The following MYO18B variants were observed in gnomAD, a reference collection of about 807,000 sequenced individuals.
MYO18B encodes the protein unconventional myosin-XVIIIb.
In MYO18B, 204 loss-of-function variants were observed where a neutral mutation model predicts 273.0. That is an observed-to-expected ratio of 0.75 (90% CI 0.67 to 0.84). MYO18B has a LOEUF of 0.84. Among genes scored for constraint, MYO18B ranks in the 40% least tolerant of loss-of-function variants. The pLI, the probability that MYO18B is intolerant of heterozygous loss-of-function variation, is 0.00. For synonymous variants in MYO18B, 1,330 were observed against 1,305.7 expected (o/e 1.02, Z -0.40); for missense variants, 3,212 against 3,287.6 (o/e 0.98, Z 0.56).
At chr22:26,036,513 T>C in the MYO18B span, among the ~76,000 whole-genome samples, 2 of 152,096 alleles carry the variant, frequency 1.3e-5, no homozygotes, top group African/African-American at 4.8e-5. Context: ...TGTAAATAGC[T>C]GCATGAAGGC....
Position 25,768,519 on chromosome 22 carries a change from C to G in MYO18B, c.603C>G (p.Gly201=), listed in dbSNP as rs766264630. The part of the protein sequence containing the change: ...KKGETSRTPC[G]SQASTEILAP... ...GGGAGACCTCTAGGACTCCTTGTGG[C>G]TCCCAGGCCAGCACCGAGATCTTGG... is the stretch of plus-strand genomic sequence containing the variant. Residue 201 remains glycine, a synonymous_variant, in exon 4 of 44, where the codon GGC becomes GGG. Coordinates refer to ENST00000335473, the MANE Select transcript of MYO18B (RefSeq NM_032608.7). 6.4e-7 allele frequency: 1 copy of G among 1,574,210 alleles called. No individual in the cohort carries two copies. Among genetic ancestry groups the G allele is most frequent in the Non-Finnish European group, 8.6e-7 (1 of 1,161,846 alleles).
At chr22:25,750,467 C>A (rs2085900710) in intron 1 of MYO18B, among the ~76,000 whole-genome samples, 1 of 151,970 alleles carries the variant, frequency 6.6e-6, no homozygotes, top group Non-Finnish European at 1.5e-5. Flanking sequence ...CCTTTTTTTC[C>A]CTCGCTGTCT....
At chr22:25,889,682 C>T (rs2091604726) in intron 25 of MYO18B, among the ~76,000 whole-genome samples, 1 of 151,946 alleles carries the variant, frequency 6.6e-6, no homozygotes, top group African/African-American at 2.4e-5. Context: ...ATATTTCTCC[C>T]GTTACGTACT....
chr22:25,997,932 AACAC>A (rs3070628), intron 40 of MYO18B, among the ~76,000 whole-genome samples: 28,664 of 144,662 alleles, frequency 0.2, 3,293 homozygotes, highest in Non-Finnish European at 0.27. Context: ...CCAGGAGAGA[AACAC>A]ACACACACAC....
chr22:25,914,686 CTTTTT>C (rs3070566), intron 33 of MYO18B, among the ~76,000 whole-genome samples: 9 of 50,824 alleles, frequency 1.8e-4, no homozygotes, highest in South Asian at 1.2e-3. Context: ...AGTTTTGACT[CTTTTT>C]TTTTTTTTTT....
intron 21 of MYO18B, 113 bp from the exon 22 acceptor site, chr22:25,868,207 C>A: frequency 1.2e-6 from 1 of 858,848 alleles, no homozygotes. Context: ...AGCTCACAGA[C>A]ATGTGGGGTC....
chr22:26,017,029 CTT>C (rs1935392843), intron 42 of MYO18B, among the ~76,000 whole-genome samples: 1 of 18,222 alleles, frequency 5.5e-5, no homozygotes, highest in Admixed American at 5.6e-4. Flanking sequence ...GGCTAATTTC[CTT>C]CCTTCCTTCC....
intron 27 of MYO18B, 27 bp downstream of exon 27, chr22:25,891,439 G>A (rs146181224): frequency 2.8e-5 from 39 of 1,395,026 alleles, no homozygotes; most frequent in Admixed American, 2.7e-4. Flanking sequence ...CCTTGGGGCT[G>A]GAAGGTGATG....
At chr22:25,986,279 G>C (rs529784463) in intron 39 of MYO18B, among the ~76,000 whole-genome samples, 1 of 152,222 alleles carries the variant, frequency 6.6e-6, no homozygotes, top group Non-Finnish European at 1.5e-5. Context: ...GGTGGATGAG[G>C]AGATTGTTCA....
intron 37 of MYO18B, among the ~76,000 whole-genome samples, chr22:25,950,669 T>C (rs1293727753): frequency 6.6e-6 from 1 of 152,074 alleles, no homozygotes; most frequent in African/African-American, 2.4e-5. Context: ...CCTGCCAGGT[T>C]CAAGCGATTC....
At chr22:25,838,208 C>G (rs1358234349) in intron 17 of MYO18B, among the ~76,000 whole-genome samples, 1 of 151,166 alleles carries the variant, frequency 6.6e-6, no homozygotes, top group African/African-American at 2.4e-5. Flanking sequence ...TACATACATA[C>G]AGAGAGAGAG....
intron 17 of MYO18B, among the ~76,000 whole-genome samples, chr22:25,842,972 C>T (rs1393394331): frequency 6.6e-6 from 1 of 152,106 alleles, no homozygotes; most frequent in Non-Finnish European, 1.5e-5. Flanking sequence ...GACTGAGTGA[C>T]CATTATGTGC....
chr22:25,975,362 C>T (rs561439953), intron 39 of MYO18B, among the ~76,000 whole-genome samples: 10 of 152,210 alleles, frequency 6.6e-5, no homozygotes, highest in South Asian at 2.1e-4. Context: ...CTTTATGTTC[C>T]GCCGCTGTGA....
At chr22:25,794,325 G>A (rs1412211484) in intron 11 of MYO18B, among the ~76,000 whole-genome samples, 1 of 151,824 alleles carries the variant, frequency 6.6e-6, no homozygotes, top group Non-Finnish European at 1.5e-5. Context: ...TCCCGCCTCA[G>A]CTTCCTAAGT....
In MYO18B at chr22:25,895,289, T is replaced by C. The variant is rs756728179; in HGVS notation, c.4668+9T>C. ...AAGAGCTGGAGCAAAAGGTAAGATG[T>C]GGGGATAGTCTGGGCCACAGAAGTG... On this transcript the variant is annotated intron_variant, in intron 28 of 43. Transcript: ENST00000335473. 21 of 1,590,068 alleles carry C rather than the reference T, an allele frequency of 1.3e-5. No homozygotes were observed. Among genetic ancestry groups the C allele is most frequent in the Non-Finnish European group, 1.7e-5 (20 of 1,168,418 alleles).
At chr22:25,858,431 T>C (rs960515273) in intron 21 of MYO18B, among the ~76,000 whole-genome samples, 1 of 152,220 alleles carries the variant, frequency 6.6e-6, no homozygotes, top group African/African-American at 2.4e-5. Flanking sequence ...AGACACAGAT[T>C]CTTCATATCA....
intron 32 of MYO18B, among the ~76,000 whole-genome samples, chr22:25,909,157 A>G (rs547991024): frequency 2.0e-5 from 3 of 152,344 alleles, no homozygotes; most frequent in East Asian, 1.9e-4. Flanking sequence ...GTGCCGAGAT[A>G]AACATTCTTA....
At chr22:25,845,523 CCAACAA>C (rs66532051) in intron 18 of MYO18B, among the ~76,000 whole-genome samples, 3,516 of 152,130 alleles carry the variant, frequency 0.023, 103 homozygotes, top group East Asian at 0.11. Context: ...CTCAAAAAAA[CCAACAA>C]CAACAACAAC....
chr22:25,947,409 A>C (rs1334075203), intron 35 of MYO18B, among the ~76,000 whole-genome samples: 1 of 147,476 alleles, frequency 6.8e-6, no homozygotes, highest in Non-Finnish European at 1.5e-5. Context: ...GTGCACACAT[A>C]GATTCCCAAG....
Sources: allele counts gnomAD v4.1 joint callset (sites outside exome capture counted in the v4.1 genomes callset), GRCh38; gene constraint gnomAD v4.1.1; transcripts MANE v1.5; gene names NCBI Gene and HGNC (gene_info 2026-07-23, HGNC 2026-07-21).